Variants in FAR2 observed in about 807,000 individuals in gnomAD.
FAR2 encodes epididymis secretory protein Li 81.
A neutral mutation model predicts 56.0 loss-of-function variants in FAR2; 19 were observed. The ratio of observed to expected loss-of-function variants is 0.34; its 90% CI spans 0.24 to 0.50. The LOEUF (loss-of-function observed/expected upper bound fraction) is 0.50, where lower values mean the gene tolerates loss of function less well. Among genes scored for constraint, FAR2 ranks in the 20% least tolerant of loss-of-function variants. The probability of loss-of-function intolerance (pLI) is 0.98; values close to 1 mark genes in which losing one functional copy is unlikely to be tolerated. For synonymous variants in FAR2, 219 were observed against 218.8 expected (o/e 1.00, Z -0.01); for missense variants, 508 against 642.2 (o/e 0.79, Z 2.26).
rs376705618 is a variant in FAR2 at position 29,321,876 on chromosome 12, G to A, written c.1209G>A (p.Thr403=). 43 of 1,613,612 alleles carry A rather than the reference G, an allele frequency of 2.7e-5. No homozygotes were observed. Among genetic ancestry groups the A allele is most frequent in the African/African-American group, 2.0e-4 (15 of 74,894 alleles). Residue 403 remains threonine, a synonymous_variant, in exon 10 of 12, where the codon ACG becomes ACA. Transcript: ENST00000536681. Reference sequence around the variant, plus strand: ...TCAACCGGAGTTGGGAATGGAGCACGTACAATACAGAAATGCTGATGTCTG... The same window carrying A: ...TCAACCGGAGTTGGGAATGGAGCACATACAATACAGAAATGCTGATGTCTG... ...YFINRSWEWS[T]YNTEMLMSEL... is the part of the protein sequence containing the mutation.
intron 1 of FAR2, among the ~76,000 whole-genome samples, chr12:29,203,346 C>T (rs575295221): frequency 1.4e-4 from 22 of 152,182 alleles, no homozygotes; most frequent in Non-Finnish European, 2.6e-4. Flanking sequence ...TGCAGGAAAG[C>T]GATTTATGCT....
intron 2 of FAR2, chr12:29,282,197 T>A (rs1042508098): frequency 2.0e-5 from 3 of 152,172 alleles, no homozygotes; most frequent in African/African-American, 7.2e-5. Context: ...ATGAAGTCAA[T>A]GCTGATTGGA....
intron 11 of FAR2, chr12:29,333,414 T>G (rs1173663175): frequency 2.0e-6 from 1 of 510,788 alleles, no homozygotes; most frequent in Non-Finnish European, 3.5e-6. Flanking sequence ...TGGAGAGAGG[T>G]ATAAGAGAAA....
chr12:29,274,123 A>G (rs1159952604), intron 2 of FAR2, among the ~76,000 whole-genome samples: 2 of 151,558 alleles, frequency 1.3e-5, no homozygotes, highest in Non-Finnish European at 2.9e-5. Flanking sequence ...TACGTGTGCC[A>G]TGTTGGTGTG....
intron 1 of FAR2, among the ~76,000 whole-genome samples, chr12:29,259,130 G>A (rs1948375842): frequency 6.6e-6 from 1 of 152,162 alleles, no homozygotes; most frequent in African/African-American, 2.4e-5. Flanking sequence ...ATTAAAGAAG[G>A]TTCTAGAAAA....
chr12:29,283,234 C>G (rs1213682906), intron 2 of FAR2, among the ~76,000 whole-genome samples: 1 of 152,156 alleles, frequency 6.6e-6, no homozygotes, highest in African/African-American at 2.4e-5. Flanking sequence ...GGTGCAAAAA[C>G]AGATGCAAAA....
At chr12:29,167,100 T>C (rs887872191) in intron 1 of FAR2, among the ~76,000 whole-genome samples, 5 of 152,200 alleles carry the variant, frequency 3.3e-5, no homozygotes, top group Non-Finnish European at 7.3e-5. Context: ...CAGGCGTTGC[T>C]GGAGAAAAAC....
At chr12:29,251,513 T>C (rs1192918329) in intron 1 of FAR2, among the ~76,000 whole-genome samples, 1 of 152,084 alleles carries the variant, frequency 6.6e-6, no homozygotes, top group Admixed American at 6.6e-5. Flanking sequence ...ATCAATGCAG[T>C]TTTAGTTTAG....
At chr12:29,233,177 C>T (rs1003423777) in intron 1 of FAR2, among the ~76,000 whole-genome samples, 7 of 152,050 alleles carry the variant, frequency 4.6e-5, no homozygotes, top group Admixed American at 2.6e-4. Context: ...TTCTTGCTAC[C>T]GTCCCTATTT....
intron 1 of FAR2, among the ~76,000 whole-genome samples, chr12:29,205,613 G>GA (rs1947470193): frequency 6.6e-6 from 1 of 151,968 alleles, no homozygotes; most frequent in Admixed American, 6.6e-5. Flanking sequence ...CAATGAAATG[G>GA]AAAAAAAGCT....
intron 4 of FAR2, among the ~76,000 whole-genome samples, chr12:29,302,854 G>T (rs1377508824): frequency 6.6e-6 from 1 of 152,108 alleles, no homozygotes; most frequent in Non-Finnish European, 1.5e-5. Context: ...GAATGAGGGT[G>T]AGGCAACAGG....
chr12:29,189,074 T>A (rs1316551175), intron 1 of FAR2, among the ~76,000 whole-genome samples: 1 of 152,166 alleles, frequency 6.6e-6, no homozygotes, highest in African/African-American at 2.4e-5. Context: ...TATTTTATGC[T>A]TTAGAAGCAG....
intron 1 of FAR2, among the ~76,000 whole-genome samples, chr12:29,186,628 C>T (rs1950042929): frequency 6.6e-6 from 1 of 152,038 alleles, no homozygotes. Flanking sequence ...TGGACATATT[C>T]TTTTTCTGAA....
chr12:29,237,834 C>T (rs1446348602), intron 1 of FAR2, among the ~76,000 whole-genome samples: 1 of 152,150 alleles, frequency 6.6e-6, no homozygotes, highest in Admixed American at 6.6e-5. Flanking sequence ...CTGAATCTGA[C>T]ATCTTTCCAA....
At chr12:29,149,753 TGGGGACCC>T (rs1191616631) in intron 1 of FAR2, among the ~76,000 whole-genome samples, 1 of 152,170 alleles carries the variant, frequency 6.6e-6, no homozygotes, top group Admixed American at 6.5e-5. Flanking sequence ...CCTTGGGGAC[TGGGGACCC>T]GGGAAGAGAG....
intron 10 of FAR2, among the ~76,000 whole-genome samples, chr12:29,322,697 G>C (rs527606269): frequency 1.3e-5 from 2 of 152,106 alleles, no homozygotes; most frequent in African/African-American, 4.8e-5. Context: ...ACTCCATATT[G>C]ATTGACATTT....
At chr12:29,317,074 C>G in intron 9 of FAR2, 62 bp downstream of exon 9, 5 of 1,501,608 alleles carry the variant, frequency 3.3e-6, no homozygotes, top group Non-Finnish European at 4.5e-6. Context: ...GCCCCAAAAT[C>G]TTTAGTGCTT....
At chr12:29,193,463 C>A (rs549960571) in intron 1 of FAR2, among the ~76,000 whole-genome samples, 15 of 152,176 alleles carry the variant, frequency 9.9e-5, no homozygotes, top group Non-Finnish European at 1.8e-4. Flanking sequence ...ATAGTTCTGC[C>A]TTTTACAGAG....
intron 1 of FAR2, among the ~76,000 whole-genome samples, chr12:29,185,917 T>C (rs1188351156): frequency 6.6e-6 from 1 of 152,132 alleles, no homozygotes; most frequent in Non-Finnish European, 1.5e-5. Flanking sequence ...AAGGAAAAAC[T>C]GATGTTCACA....
Sources: gnomAD v4.1 joint callset for allele counts (sites outside exome capture counted in the v4.1 genomes callset) on GRCh38, gnomAD v4.1.1 for gene constraint, MANE v1.5 for transcripts, NCBI Gene and HGNC (gene_info 2026-07-23, HGNC 2026-07-21) for gene names.